The following CRYBA4 variants were observed in gnomAD, a reference collection of about 807,000 sequenced individuals.
CRYBA4 encodes crystallin beta A4.
A neutral mutation model predicts 31.7 loss-of-function variants in CRYBA4; 30 were observed. The ratio of observed to expected loss-of-function variants is 0.95; its 90% CI spans 0.71 to 1.28. The LOEUF (loss-of-function observed/expected upper bound fraction) is 1.28. Among genes scored for constraint, CRYBA4 ranks in the 50% most tolerant of loss-of-function variants. CRYBA4 has a pLI of 0.00. For synonymous variants in CRYBA4, 102 were observed against 102.3 expected, an observed-to-expected ratio of 1.00 and a Z score of 0.02; for missense variants, 225 against 260.7, an observed-to-expected ratio of 0.86 and a Z score of 0.94.
upstream of CRYBA4, chr22:26,618,156 T>A (rs1929420685): frequency 6.5e-6 from 1 of 153,588 alleles, no homozygotes; most frequent in South Asian, 2.1e-4. Context: ...TGACCTCGCC[T>A]GGATCACTGC....
At chr22:26,605,327 G>T in the CRYBA4 span, among the ~76,000 whole-genome samples, 2 of 152,166 alleles carry the variant, frequency 1.3e-5, no homozygotes, top group East Asian at 3.9e-4. Flanking sequence ...CAGGGACCTA[G>T]TCTGTTTGAT....
At chr22:26,609,158 G>T in the CRYBA4 span, among the ~76,000 whole-genome samples, 5 of 152,110 alleles carry the variant, frequency 3.3e-5, no homozygotes, top group African/African-American at 7.2e-5. Flanking sequence ...TCTTCTCCCA[G>T]GGGGCTGCTG....
At chr22:26,617,045 C>T (rs1299675310), upstream of CRYBA4, among the ~76,000 whole-genome samples, 1 of 152,220 alleles carries the variant, frequency 6.6e-6, no homozygotes, top group Non-Finnish European at 1.5e-5. Context: ...GCTCCCAGCT[C>T]CTTTCCCCGT....
At chr22:26,612,540 A>G in the CRYBA4 span, among the ~76,000 whole-genome samples, 1 of 152,120 alleles carries the variant, frequency 6.6e-6, no homozygotes, top group Non-Finnish European at 1.5e-5. Context: ...TTTTGTAGAG[A>G]CAGGATTTTG....
chr22:26,600,758 C>T, the CRYBA4 span, among the ~76,000 whole-genome samples: 3 of 152,224 alleles, frequency 2.0e-5, no homozygotes, highest in African/African-American at 4.8e-5. Flanking sequence ...TGCCAGACCC[C>T]CTCCCTATAT....
At chr22:26,590,456 G>A in the CRYBA4 span, among the ~76,000 whole-genome samples, 1 of 152,218 alleles carries the variant, frequency 6.6e-6, no homozygotes, top group African/African-American at 2.4e-5. Context: ...AAGTAGACCC[G>A]CAGCGGGGTG....
At chr22:26,611,249 C>G in the CRYBA4 span, among the ~76,000 whole-genome samples, 1 of 152,210 alleles carries the variant, frequency 6.6e-6, no homozygotes, top group African/African-American at 2.4e-5. Flanking sequence ...GTCTTTCCAT[C>G]TGTCAAGTGG....
the CRYBA4 span, among the ~76,000 whole-genome samples, chr22:26,611,086 A>G: frequency 6.6e-6 from 1 of 152,104 alleles, no homozygotes; most frequent in African/African-American, 2.4e-5. Context: ...GGGAGTCACT[A>G]AGGCCCAGAG....
chr22:26,613,279 G>T, the CRYBA4 span, among the ~76,000 whole-genome samples: 6 of 152,180 alleles, frequency 3.9e-5, no homozygotes, highest in Admixed American at 3.3e-4. Flanking sequence ...TGCCTTCTTT[G>T]AGCCTCAGTT....
At chr22:26,626,035 G>A (rs926901845) in intron 4 of CRYBA4, among the ~76,000 whole-genome samples, 1 of 152,142 alleles carries the variant, frequency 6.6e-6, no homozygotes, top group Non-Finnish European at 1.5e-5. Context: ...ACATTTTACT[G>A]CTGTTTTTGG....
chr22:26,601,285 G>T, the CRYBA4 span, among the ~76,000 whole-genome samples: 1 of 152,128 alleles, frequency 6.6e-6, no homozygotes. Context: ...GTATTCTCAT[G>T]ACATAAGGTC....
chr22:26,600,172 C>T, the CRYBA4 span, among the ~76,000 whole-genome samples: 436 of 152,132 alleles, frequency 2.9e-3, 5 homozygotes, highest in East Asian at 0.052. Context: ...GAGGCTGAGG[C>T]GGGCAAATCA....
upstream of CRYBA4, among the ~76,000 whole-genome samples, chr22:26,618,418 G>A (rs1217274428): frequency 6.6e-6 from 1 of 152,222 alleles, no homozygotes; most frequent in East Asian, 1.9e-4. Context: ...TACCCCTAGG[G>A]GGGCCTCTGT....
intron 4 of CRYBA4, among the ~76,000 whole-genome samples, chr22:26,627,474 T>C (rs865846717): frequency 4.9e-4 from 42 of 85,914 alleles, no homozygotes; most frequent in African/African-American, 1.5e-3. Flanking sequence ...CTTTCTTTCT[T>C]TCTCTTTCTT....
chr22:26,619,034 C>T (rs926067194), upstream of CRYBA4, among the ~76,000 whole-genome samples: 1 of 152,234 alleles, frequency 6.6e-6, no homozygotes, highest in Non-Finnish European at 1.5e-5. Flanking sequence ...TTGTTCACCA[C>T]TGGCCCCAGC....
chr22:26,630,456 A>C lies in CRYBA4; in HGVS notation c.560A>C (p.Gln187Pro). 6.2e-7 allele frequency: 1 copy of C among 1,614,032 alleles called. No individual in the cohort carries two copies. The highest frequency in any genetic ancestry group is 2.2e-5 in the East Asian group (1 of 44,890). Residue 187 changes from glutamine to proline, a missense_variant, in exon 6 of 6, where the codon CAG becomes CCG. Coordinates refer to ENST00000354760, the MANE Select transcript of CRYBA4 (RefSeq NM_001886.3). ...TGGGGCTCTCATGCCCCGACCTTCC[A>C]GGTGCAGAGCATCCGCAGGATCCAG... ...REWGSHAPTFQVQSIRRIQQ is the reference protein window; with the variant it reads ...REWGSHAPTFPVQSIRRIQQ
chr22:26,625,695 A>G, intron 4 of CRYBA4, 73 bp downstream of exon 4: 2 of 1,512,776 alleles, frequency 1.3e-6, no homozygotes, highest in South Asian at 1.1e-5. Context: ...CAAAGGTTCC[A>G]GAGTTGAAAT....
At chr22:26,623,480 A>C (rs1335464748) in intron 3 of CRYBA4, 128 bp downstream of exon 3, 2 of 734,572 alleles carry the variant, frequency 2.7e-6, no homozygotes, top group East Asian at 5.2e-5. Context: ...CTCCTGAAGT[A>C]CTGAGGAGTG....
At chr22:26,618,589 A>G (rs1197623529), upstream of CRYBA4, among the ~76,000 whole-genome samples, 1 of 152,206 alleles carries the variant, frequency 6.6e-6, no homozygotes, top group Admixed American at 6.5e-5. Flanking sequence ...TATCTCGGTC[A>G]GTCCCCGGGA....
Sources: allele counts gnomAD v4.1 joint callset (sites outside exome capture counted in the v4.1 genomes callset), GRCh38; gene constraint gnomAD v4.1.1; transcripts MANE v1.5; gene names NCBI Gene and HGNC (gene_info 2026-07-23, HGNC 2026-07-21).